The following OCLN variants were observed in gnomAD, a reference collection of about 807,000 sequenced individuals.
The protein encoded by OCLN is phosphatase 1, regulatory subunit 115.
Under a neutral mutation model 47.9 loss-of-function variants are expected in OCLN, and 21 were observed. The observed-to-expected ratio is 0.44, with a 90% CI of 0.31 to 0.63. The LOEUF is 0.63. Among genes scored for constraint, OCLN ranks in the 30% least tolerant of loss-of-function variants. The probability of loss-of-function intolerance (pLI) is 0.08; values close to 1 mark genes in which losing one functional copy is unlikely to be tolerated. For synonymous variants in OCLN, 117 were observed against 198.4 expected, an observed-to-expected ratio of 0.59 and a Z score of 3.45; for missense variants, 360 against 571.0, an observed-to-expected ratio of 0.63 and a Z score of 3.77.
chr5:69,528,127 C>G (rs1319881424), intron 4 of OCLN, among the ~76,000 whole-genome samples: 1 of 152,072 alleles, frequency 6.6e-6, no homozygotes, highest in Non-Finnish European at 1.5e-5. Flanking sequence ...AGAGAACTTT[C>G]CAGTCGATTT....
chr5:69,532,737 G>A (rs1415107953), intron 4 of OCLN, among the ~76,000 whole-genome samples: 7 of 152,102 alleles, frequency 4.6e-5, no homozygotes, highest in Non-Finnish European at 8.8e-5. Context: ...GGAGGCCGAG[G>A]TGGGTGGATC....
At chr5:69,532,067 T>C (rs1311191443) in intron 4 of OCLN, among the ~76,000 whole-genome samples, 4 of 152,236 alleles carry the variant, frequency 2.6e-5, no homozygotes, top group African/African-American at 9.6e-5. Context: ...AAAGGCACTG[T>C]AGTAAATGTG....
chr5:69,502,488 C>T (rs918553819), intron 1 of OCLN: 1 of 152,174 alleles, frequency 6.6e-6, no homozygotes, highest in East Asian at 1.9e-4. Flanking sequence ...AACAAATTAT[C>T]TGGACGTCTA....
intron 7 of OCLN, among the ~76,000 whole-genome samples, chr5:69,550,133 G>C (rs972811457): frequency 5.0e-5 from 7 of 138,990 alleles, no homozygotes; most frequent in Non-Finnish European, 9.4e-5. Context: ...TACTCCAGTA[G>C]TACCAGTATA....
chr5:69,523,520 T>A (rs1046159325), intron 4 of OCLN, among the ~76,000 whole-genome samples: 6 of 151,792 alleles, frequency 4.0e-5, no homozygotes, highest in Non-Finnish European at 8.8e-5. Context: ...AAAACCTTAA[T>A]GATTACCTTT....
intron 4 of OCLN, among the ~76,000 whole-genome samples, chr5:69,518,159 G>T (rs542286431): frequency 1.3e-5 from 2 of 152,138 alleles, no homozygotes; most frequent in South Asian, 4.1e-4. Flanking sequence ...TGATGATTAA[G>T]GTGAAAGAAC....
At position 69,553,780 on chromosome 5, in the gene OCLN, A is replaced by G. The variant is rs1158568163; in HGVS notation, c.*109A>G. 1 of 1,580,852 alleles carries G rather than the reference A, an allele frequency of 6.3e-7. No individual in the cohort carries two copies. The highest frequency in any genetic ancestry group is 1.8e-5 in the Admixed American group (1 of 56,090). On this transcript the variant is annotated 3_prime_UTR_variant, in exon 9 of 9. Coordinates refer to ENST00000396442, the MANE Select transcript of OCLN (RefSeq NM_001205254.2). ...CCCCGGAAGCCAAACCTCTGTGAGC[A>G]TCACAAAGTTTTGGTTGCTTTAACA...
At chr5:69,500,486 C>T (rs1309647283) in intron 1 of OCLN, among the ~76,000 whole-genome samples, 1 of 151,566 alleles carries the variant, frequency 6.6e-6, no homozygotes, top group African/African-American at 2.4e-5. Flanking sequence ...CTGCGAACTC[C>T]GCCTCCCAGG....
At chr5:69,534,057 T>A (rs1046836754) in intron 4 of OCLN, among the ~76,000 whole-genome samples, 2 of 149,278 alleles carry the variant, frequency 1.3e-5, no homozygotes, top group Non-Finnish European at 3.0e-5. Context: ...GGCACTGATG[T>A]TGTGTGATAT....
intron 4 of OCLN, among the ~76,000 whole-genome samples, chr5:69,533,357 A>C (rs1313719217): frequency 6.6e-6 from 1 of 152,062 alleles, no homozygotes; most frequent in African/African-American, 2.4e-5. Flanking sequence ...CCTTTTTTAT[A>C]AGCAAGTTTT....
At chr5:69,507,650 G>C (rs751701004) in intron 2 of OCLN, among the ~76,000 whole-genome samples, 1 of 151,466 alleles carries the variant, frequency 6.6e-6, no homozygotes, top group Non-Finnish European at 1.5e-5. Flanking sequence ...TTTTTGCCCA[G>C]GCTGGAGTGC....
chr5:69,533,773 C>T (rs1170277406), intron 4 of OCLN, among the ~76,000 whole-genome samples: 1 of 152,180 alleles, frequency 6.6e-6, no homozygotes, highest in Admixed American at 6.5e-5. Flanking sequence ...TTGCCTCAGC[C>T]TCCCGAGTAG....
chr5:69,500,402 T>C lies in OCLN; in HGVS notation c.-68-3775T>C, dbSNP rs542813553. On this transcript the variant is annotated intron_variant, in intron 1 of 8. Transcript: ENST00000396442. ...GACTTGTTCTTAACGAGCTTTCTTT[T>C]CTTTTTTTTTTTTTTGAGACGGAGT... Among the ~76,000 whole-genome samples, 751 of 80,020 alleles carry C rather than the reference T, an allele frequency of 9.4e-3. 3 individuals carry two copies. The highest frequency in any genetic ancestry group is 0.016 in the Non-Finnish European group (530 of 34,002). 52.5% of individuals were successfully genotyped at this position (80,020 alleles called of 152,430 possible).
At chr5:69,515,668 C>T (rs1768936580) in intron 4 of OCLN, among the ~76,000 whole-genome samples, 3 of 149,736 alleles carry the variant, frequency 2.0e-5, no homozygotes, top group African/African-American at 7.4e-5. Flanking sequence ...GATGGGGTAG[C>T]TGCCGGGCAG....
chr5:69,512,370 G>A (rs1768813293), intron 3 of OCLN, among the ~76,000 whole-genome samples: 1 of 152,196 alleles, frequency 6.6e-6, no homozygotes, highest in Admixed American at 6.5e-5. Context: ...GATCATAAAT[G>A]TGGACATTTA....
intron 5 of OCLN, among the ~76,000 whole-genome samples, chr5:69,537,950 G>A (rs1247393354): frequency 8.7e-6 from 1 of 115,398 alleles, no homozygotes; most frequent in African/African-American, 3.6e-5. Context: ...GCCTTCTTCT[G>A]GAATACCTCC....
At chr5:69,513,012 G>C (rs1184144369) in intron 3 of OCLN, among the ~76,000 whole-genome samples, 2 of 152,108 alleles carry the variant, frequency 1.3e-5, no homozygotes, top group African/African-American at 4.8e-5. Context: ...GCAGACGTAG[G>C]TTTTCACAGT....
intron 1 of OCLN, among the ~76,000 whole-genome samples, chr5:69,497,362 G>T (rs1768321880): frequency 7.0e-6 from 1 of 143,504 alleles, no homozygotes; most frequent in African/African-American, 2.6e-5. Context: ...CCAATCATTT[G>T]TCTTAAGACA....
chr5:69,502,005 CTG>C (rs1768471588), intron 1 of OCLN, among the ~76,000 whole-genome samples: 1 of 152,150 alleles, frequency 6.6e-6, no homozygotes, highest in Admixed American at 6.6e-5. Context: ...TGACACCAGA[CTG>C]TGCAACATGG....
Sources: allele counts gnomAD v4.1 joint callset (sites outside exome capture counted in the v4.1 genomes callset), GRCh38; gene constraint gnomAD v4.1.1; transcripts MANE v1.5; gene names NCBI Gene and HGNC (gene_info 2026-07-23, HGNC 2026-07-21).